RAD51B: variants seen among roughly 807,000 people sequenced by gnomAD.
The protein encoded by RAD51B is DNA repair protein RAD51 homolog 2.
Under a neutral mutation model 42.2 loss-of-function variants are expected in RAD51B, and 38 were observed. The ratio of observed to expected loss-of-function variants is 0.90; its 90% CI spans 0.70 to 1.18. The LOEUF is 1.18. RAD51B is among the 50% of genes most tolerant of loss of function. The pLI is 0.00. For synonymous variants in RAD51B, 154 were observed against 145.2 expected, an observed-to-expected ratio of 1.06 and a Z score of -0.43; for missense variants, 373 against 400.7, an observed-to-expected ratio of 0.93 and a Z score of 0.59.
chr14:68,019,481 G>C (rs1254784925), intron 7 of RAD51B, among the ~76,000 whole-genome samples: 1 of 151,720 alleles, frequency 6.6e-6, no homozygotes, highest in East Asian at 1.9e-4. Flanking sequence ...GTTGATTCTT[G>C]AAAATCATGG....
At chr14:68,184,828 A>G (rs761511956) in intron 7 of RAD51B, among the ~76,000 whole-genome samples, 32 of 152,238 alleles carry the variant, frequency 2.1e-4, no homozygotes, top group Non-Finnish European at 4.3e-4. Flanking sequence ...CTAATGCTTG[A>G]GCATTTTGAA....
At chr14:68,096,432 A>G (rs1271484036) in intron 7 of RAD51B, among the ~76,000 whole-genome samples, 2 of 152,202 alleles carry the variant, frequency 1.3e-5, no homozygotes, top group African/African-American at 4.8e-5. Context: ...ACCGTCCAAG[A>G]GCTATGTGCT....
chr14:68,517,951 C>T (rs897147579), intron 10 of RAD51B, among the ~76,000 whole-genome samples: 10 of 152,176 alleles, frequency 6.6e-5, no homozygotes, highest in Middle Eastern at 3.4e-3. Context: ...ACTCTTCTAC[C>T]GCCTTGATCT....
intron 10 of RAD51B, among the ~76,000 whole-genome samples, chr14:68,629,340 G>A (rs1422920521): frequency 6.6e-6 from 1 of 152,132 alleles, no homozygotes; most frequent in Non-Finnish European, 1.5e-5. Context: ...TCTCCAGGGG[G>A]TTTGCAAAAT....
At chr14:67,868,342 C>T (rs1466441096) in intron 5 of RAD51B, among the ~76,000 whole-genome samples, 1 of 151,264 alleles carries the variant, frequency 6.6e-6, no homozygotes, top group Non-Finnish European at 1.5e-5. Flanking sequence ...CCTGGAAAAT[C>T]GGGTCACTCC....
chr14:68,028,358 G>T (rs2075986407), intron 7 of RAD51B, among the ~76,000 whole-genome samples: 1 of 152,196 alleles, frequency 6.6e-6, no homozygotes, highest in South Asian at 2.1e-4. Context: ...GCTCTCTTGG[G>T]CAGAAACCAT....
chr14:68,363,737 G>A (rs972448257), intron 8 of RAD51B, among the ~76,000 whole-genome samples: 1 of 152,250 alleles, frequency 6.6e-6, no homozygotes, highest in African/African-American at 2.4e-5. Context: ...CCGGCGGGGA[G>A]TGGGAGTGTG....
intron 7 of RAD51B, among the ~76,000 whole-genome samples, chr14:68,072,210 T>TTATA (rs60687017): frequency 0.025 from 3,392 of 136,782 alleles, 43 homozygotes; most frequent in Non-Finnish European, 0.029. Flanking sequence ...TTTCTAGGTT[T>TTATA]TATATATATA....
rs568015156 is a variant in RAD51B, at chr14:68,439,037, A to G, written c.957+27510A>G. Among the ~76,000 whole-genome samples, 22 of 152,214 alleles carry G rather than the reference A, an allele frequency of 1.4e-4. No homozygotes were observed. In the East Asian group the frequency reaches 4.1e-3, roughly 28 times the overall value. On this transcript the variant is annotated intron_variant, in intron 9 of 10. Coordinates refer to ENST00000471583, the MANE Select transcript of RAD51B (RefSeq NM_133510.4). ...CTGCCCTTCCCCTGCTCTACTTGAT[A>G]CCACAGGGAACTGACCTTTACAATT...
intron 7 of RAD51B, among the ~76,000 whole-genome samples, chr14:67,971,152 G>T (rs1442184574): frequency 6.6e-6 from 1 of 152,130 alleles, no homozygotes; most frequent in Non-Finnish European, 1.5e-5. Flanking sequence ...TTGCTCTGGA[G>T]TGCTTCAGAC....
intron 10 of RAD51B, among the ~76,000 whole-genome samples, chr14:68,492,464 G>A (rs554155202): frequency 6.6e-6 from 1 of 152,166 alleles, no homozygotes; most frequent in Non-Finnish European, 1.5e-5. Flanking sequence ...AGAAGTCCAG[G>A]ATATAACATC....
intron 8 of RAD51B, among the ~76,000 whole-genome samples, chr14:68,320,853 T>A (rs985658151): frequency 5.3e-5 from 8 of 152,200 alleles, no homozygotes; most frequent in Admixed American, 4.6e-4. Context: ...ATAGCATTTC[T>A]TACACTGTGG....
At chr14:68,163,574 C>G (rs1207537264) in intron 7 of RAD51B, among the ~76,000 whole-genome samples, 2 of 152,146 alleles carry the variant, frequency 1.3e-5, no homozygotes, top group African/African-American at 2.4e-5. Flanking sequence ...TTTCTTTGGC[C>G]TCTCTTTCCG....
rs141632312 is a variant in RAD51B at position 68,539,565 on chromosome 14, C to T, written c.1037-54920C>T. 2.9e-3 allele frequency among the ~76,000 whole-genome samples: 440 copies of T among 152,274 alleles called. 4 individuals carry two copies. Among genetic ancestry groups the T allele is most frequent in the African/African-American group, 9.9e-3 (411 of 41,554 alleles). ...GATGGGAGAGAAAAATCTGCTTGTT[C>T]GGTTGCAACTGTCAAGCAAAGGACA... is the stretch of plus-strand genomic sequence containing the variant. On this transcript the variant is annotated intron_variant, in intron 10 of 10. Transcript: ENST00000487270.
intron 8 of RAD51B, among the ~76,000 whole-genome samples, chr14:68,364,825 T>G (rs749066786): frequency 6.6e-6 from 1 of 152,002 alleles, no homozygotes; most frequent in Non-Finnish European, 1.5e-5. Flanking sequence ...TGTGTGAGGG[T>G]TTAATTTTAT....
At position 67,978,160 on chromosome 14, in the gene RAD51B, C is replaced by G. The variant is rs186169639; in HGVS notation, c.756+90956C>G. 2.3e-3 allele frequency among the ~76,000 whole-genome samples: 349 copies of G among 152,044 alleles called. 1 individual carries two copies. Among genetic ancestry groups the G allele is most frequent in the African/African-American group, 8.2e-3 (338 of 41,464 alleles). ...CTATTATTTGCACATTTTTGGCTTT[C>G]CTGTGGCTAAACTACTGGTGTTTAT... On this transcript the variant is annotated intron_variant, in intron 7 of 10. Transcript: ENST00000471583.
At position 67,887,069 on chromosome 14, in the gene RAD51B, G is replaced by A; in HGVS notation, c.621G>A (p.Val207=). 6.4e-7 allele frequency: 1 copy of A among 1,566,102 alleles called. No homozygotes were observed. The highest frequency in any genetic ancestry group is 8.7e-7 in the Non-Finnish European group (1 of 1,144,368). ...EEIISKGIKL[V]ILDSVASVVR... ...TTATCTCAAAAGGAATTAAACTTGT[G>A]ATTCTTGACTCTGTTGCTTCTGTGG... Residue 207 remains valine, a synonymous_variant, in exon 7 of 11, where the codon GTG becomes GTA. Coordinates refer to ENST00000471583, the MANE Select transcript of RAD51B (RefSeq NM_133510.4).
At chr14:68,202,514 C>T (rs2079507112) in intron 7 of RAD51B, among the ~76,000 whole-genome samples, 1 of 151,448 alleles carries the variant, frequency 6.6e-6, no homozygotes, top group African/African-American at 2.4e-5. Context: ...AGCACCTTCA[C>T]CAGGAGTAGA....
intron 7 of RAD51B, among the ~76,000 whole-genome samples, chr14:68,140,726 T>A (rs2078112089): frequency 6.6e-6 from 1 of 152,176 alleles, no homozygotes; most frequent in Non-Finnish European, 1.5e-5. Flanking sequence ...CAGAGTTAGG[T>A]CTGGTAGATT....
Sources: allele counts gnomAD v4.1 joint callset (sites outside exome capture counted in the v4.1 genomes callset), GRCh38; gene constraint gnomAD v4.1.1; transcripts MANE v1.5; gene names NCBI Gene and HGNC (gene_info 2026-07-23, HGNC 2026-07-21).